Variants in CSMD1 observed in about 807,000 individuals in gnomAD.
CSMD1 encodes CUB and sushi domain-containing protein 1.
A neutral mutation model predicts 417.5 loss-of-function variants in CSMD1; 213 were observed. The ratio of observed to expected loss-of-function variants is 0.51; its 90% CI spans 0.46 to 0.57. The LOEUF is 0.57. Among genes scored for constraint, CSMD1 ranks in the 20% least tolerant of loss-of-function variants. The pLI is 0.00. For missense variants in CSMD1, 6,923 were observed against 4,529.7 expected, an observed-to-expected ratio of 1.53 and a Z score of -15.17; for synonymous variants, 2,862 against 1,736.8, an observed-to-expected ratio of 1.65 and a Z score of -16.11.
At chr8:4,406,431 G>C (rs1273946667) in intron 3 of CSMD1, among the ~76,000 whole-genome samples, 2 of 152,124 alleles carry the variant, frequency 1.3e-5, no homozygotes, top group Non-Finnish European at 1.5e-5. Context: ...TACCCCAAGA[G>C]CCACAAATTT....
intron 3 of CSMD1, among the ~76,000 whole-genome samples, chr8:4,285,994 G>A (rs1797037079): frequency 6.6e-6 from 1 of 152,108 alleles, no homozygotes; most frequent in South Asian, 2.1e-4. Flanking sequence ...CTTTACCTCT[G>A]ACAGCAAGCA....
In CSMD1 at chr8:4,311,502, C is replaced by T. The variant is rs540232084; in HGVS notation, c.415+108451G>A. Among the ~76,000 whole-genome samples, 4 of 152,220 alleles carry T rather than the reference C, an allele frequency of 2.6e-5. No homozygotes were observed. In the East Asian group the frequency reaches 7.7e-4, roughly 29 times the overall value. On this transcript the variant is annotated intron_variant, in intron 3 of 69. Coordinates refer to ENST00000635120, the MANE Select transcript of CSMD1 (RefSeq NM_033225.6). ...TTTCAGAAGGCCAAGTTGGGCAGAT[C>T]ACCTGAGATCAGGAGTTCGAGACCA...
At chr8:3,643,202 G>A (rs180968419) in intron 7 of CSMD1, among the ~76,000 whole-genome samples, 34 of 152,056 alleles carry the variant, frequency 2.2e-4, no homozygotes, top group South Asian at 8.3e-4. Flanking sequence ...AACCAATCAG[G>A]ATAATGAAAA....
chr8:4,587,675 T>C (rs1799775619), intron 2 of CSMD1, among the ~76,000 whole-genome samples: 1 of 152,188 alleles, frequency 6.6e-6, no homozygotes, highest in Admixed American at 6.5e-5. Context: ...TTATGAACTA[T>C]GCCTTCACTA....
At chr8:4,150,652 A>C (rs1031389469) in intron 3 of CSMD1, among the ~76,000 whole-genome samples, 2 of 152,202 alleles carry the variant, frequency 1.3e-5, no homozygotes, top group African/African-American at 4.8e-5. Flanking sequence ...CAGTTTTCCA[A>C]ATGGTTAGGG....
At chr8:4,740,572 T>C (rs1315813646) in intron 1 of CSMD1, among the ~76,000 whole-genome samples, 1 of 152,298 alleles carries the variant, frequency 6.6e-6, no homozygotes, top group East Asian at 1.9e-4. Flanking sequence ...TCATTTTTTA[T>C]TATGGTCTCA....
At chr8:3,918,004 C>T (rs1262939422) in intron 5 of CSMD1, among the ~76,000 whole-genome samples, 1 of 152,114 alleles carries the variant, frequency 6.6e-6, no homozygotes, top group Non-Finnish European at 1.5e-5. Flanking sequence ...CCGATTCACG[C>T]ATGCTGTTGC....
At chr8:3,132,614 G>C (rs1462104856) in intron 41 of CSMD1, among the ~76,000 whole-genome samples, 1 of 152,102 alleles carries the variant, frequency 6.6e-6, no homozygotes, top group Non-Finnish European at 1.5e-5. Flanking sequence ...CACTTCTTTG[G>C]TATATTTCCA....
chr8:4,601,274 A>G (rs1297055130), intron 2 of CSMD1, among the ~76,000 whole-genome samples: 1 of 152,216 alleles, frequency 6.6e-6, no homozygotes, highest in Non-Finnish European at 1.5e-5. Context: ...TTTAAAAAGC[A>G]TGAGAATAAG....
At chr8:3,711,947 T>C (rs2129041298) in intron 6 of CSMD1, among the ~76,000 whole-genome samples, 1 of 152,320 alleles carries the variant, frequency 6.6e-6, no homozygotes, top group Non-Finnish European at 1.5e-5. Flanking sequence ...ATTCGAGTAG[T>C]CTCTCAGGGA....
At chr8:3,372,829 T>C (rs945047805) in intron 18 of CSMD1, among the ~76,000 whole-genome samples, 1 of 152,148 alleles carries the variant, frequency 6.6e-6, no homozygotes, top group Non-Finnish European at 1.5e-5. Flanking sequence ...ACCACAACTA[T>C]GTGAGAACAC....
chr8:4,529,684 T>C (rs1047525708), intron 2 of CSMD1, among the ~76,000 whole-genome samples: 4 of 152,188 alleles, frequency 2.6e-5, no homozygotes, highest in African/African-American at 9.6e-5. Flanking sequence ...GTTTTTAGTG[T>C]AAGTATAATT....
At chr8:4,773,007 A>C (rs9657402) in intron 1 of CSMD1, among the ~76,000 whole-genome samples, 12,330 of 152,274 alleles carry the variant, frequency 0.081, 762 homozygotes, top group East Asian at 0.34. Flanking sequence ...GCACTGACCA[A>C]TTAACAAGAA....
intron 5 of CSMD1, among the ~76,000 whole-genome samples, chr8:3,758,613 T>C (rs962197464): frequency 7.2e-5 from 11 of 152,214 alleles, no homozygotes; most frequent in Non-Finnish European, 1.2e-4. Context: ...ATGATTACTG[T>C]ACAAATTAGG....
chr8:3,647,147 G>A (rs760705752), intron 7 of CSMD1, among the ~76,000 whole-genome samples: 1 of 152,090 alleles, frequency 6.6e-6, no homozygotes, highest in African/African-American at 2.4e-5. Context: ...AAGCTTGTAG[G>A]GGTGGATGGT....
intron 3 of CSMD1, among the ~76,000 whole-genome samples, chr8:4,038,581 C>T (rs1797733857): frequency 6.6e-6 from 1 of 152,082 alleles, no homozygotes; most frequent in Non-Finnish European, 1.5e-5. Context: ...TTTGTGACTC[C>T]CAGAAGTAAT....
At chr8:4,554,924 G>C (rs1292868586) in intron 2 of CSMD1, among the ~76,000 whole-genome samples, 2 of 152,118 alleles carry the variant, frequency 1.3e-5, no homozygotes, top group Non-Finnish European at 2.9e-5. Context: ...CTGTCTTCTA[G>C]GCAACGAATT....
intron 23 of CSMD1, among the ~76,000 whole-genome samples, chr8:3,320,176 A>G (rs570072262): frequency 4.1e-4 from 62 of 152,278 alleles, no homozygotes; most frequent in Non-Finnish European, 2.5e-4. Flanking sequence ...CTACAAAATA[A>G]TGACGATTAT....
intron 6 of CSMD1, among the ~76,000 whole-genome samples, chr8:3,721,125 T>G (rs563575037): frequency 2.6e-5 from 4 of 152,296 alleles, no homozygotes; most frequent in South Asian, 4.1e-4. Flanking sequence ...GCCCGGCCAG[T>G]TGCGACTTTT....
Sources: allele counts gnomAD v4.1 joint callset (sites outside exome capture counted in the v4.1 genomes callset), GRCh38; gene constraint gnomAD v4.1.1; transcripts MANE v1.5; gene names NCBI Gene and HGNC (gene_info 2026-07-23, HGNC 2026-07-21).